ADGRV1: variants seen among roughly 807,000 people sequenced by gnomAD.
ADGRV1 encodes adhesion G protein-coupled receptor V1.
A neutral mutation model predicts 596.2 loss-of-function variants in ADGRV1; 359 were observed. The ratio of observed to expected loss-of-function variants is 0.60; its 90% CI spans 0.55 to 0.66. The LOEUF is 0.66. Ranked by LOEUF, ADGRV1 falls within the 30% of genes least tolerant of loss-of-function variation. The pLI, the probability that ADGRV1 is intolerant of heterozygous loss-of-function variation, is 0.00. For synonymous variants in ADGRV1, 2,681 were observed against 2,679.2 expected, an observed-to-expected ratio of 1.00 and a Z score of -0.02; for missense variants, 7,274 against 7,575.6, an observed-to-expected ratio of 0.96 and a Z score of 1.48.
intron 77 of ADGRV1, among the ~76,000 whole-genome samples, chr5:90,839,951 G>T (rs1186638485): frequency 3.3e-5 from 5 of 152,138 alleles, no homozygotes; most frequent in Non-Finnish European, 1.5e-5. Flanking sequence ...TCTTGGCTCA[G>T]TAGTAAATAA....
chr5:90,613,077 GA>G (rs1397625638), intron 1 of ADGRV1, among the ~76,000 whole-genome samples: 1 of 152,032 alleles, frequency 6.6e-6, no homozygotes, highest in East Asian at 1.9e-4. Context: ...ACTTGTTCAT[GA>G]TTCCCTCTAC....
chr5:90,759,358 T>C (rs997435302), intron 57 of ADGRV1, 51 bp from the exon 58 acceptor site: 7 of 1,272,448 alleles, frequency 5.5e-6, no homozygotes, highest in Admixed American at 4.0e-5. Flanking sequence ...TTTCCTATCT[T>C]CCTCCTTCTT....
At chr5:90,841,667 T>A (rs1348147517) in intron 78 of ADGRV1, among the ~76,000 whole-genome samples, 1 of 152,178 alleles carries the variant, frequency 6.6e-6, no homozygotes, top group Admixed American at 6.5e-5. Context: ...AGGTTTACTT[T>A]GGGCTTTCTT....
At chr5:91,139,905 TG>T in intron 87 of ADGRV1, among the ~76,000 whole-genome samples, 1 of 152,340 alleles carries the variant, frequency 6.6e-6, no homozygotes, top group Middle Eastern at 3.4e-3. Flanking sequence ...AATCTTCCCT[TG>T]GCTTCCCTGA....
At chr5:90,972,565 A>T (rs1779149372) in intron 84 of ADGRV1, among the ~76,000 whole-genome samples, 1 of 152,228 alleles carries the variant, frequency 6.6e-6, no homozygotes, top group African/African-American at 2.4e-5. Flanking sequence ...AAAGCGCTCA[A>T]CTACATGGAA....
intron 74 of ADGRV1, among the ~76,000 whole-genome samples, chr5:90,812,687 T>C (rs1437238032): frequency 6.6e-6 from 1 of 152,190 alleles, no homozygotes; most frequent in Non-Finnish European, 1.5e-5. Context: ...CATTATCTCA[T>C]TTATGTTAAC....
At chr5:90,578,091 G>A (rs1019487332) in intron 1 of ADGRV1, among the ~76,000 whole-genome samples, 1 of 152,140 alleles carries the variant, frequency 6.6e-6, no homozygotes, top group African/African-American at 2.4e-5. Context: ...TTTCCTGATT[G>A]AATACCTTGT....
intron 52 of ADGRV1, among the ~76,000 whole-genome samples, chr5:90,746,154 G>A (rs537777251): frequency 2.4e-4 from 35 of 147,582 alleles, no homozygotes; most frequent in Admixed American, 9.1e-4. Context: ...TATATACTGT[G>A]TGATATACAC....
At chr5:90,975,131 G>C (rs1415662592) in intron 84 of ADGRV1, among the ~76,000 whole-genome samples, 10 of 151,672 alleles carry the variant, frequency 6.6e-5, no homozygotes, top group East Asian at 1.9e-4. Flanking sequence ...CAGAGAAATG[G>C]AAATCAAAAC....
chr5:90,883,316 A>G (rs1166561904), intron 83 of ADGRV1, among the ~76,000 whole-genome samples: 1 of 152,176 alleles, frequency 6.6e-6, no homozygotes, highest in African/African-American at 2.4e-5. Context: ...GCCATCGAAG[A>G]GGATTTTTAT....
intron 70 of ADGRV1, among the ~76,000 whole-genome samples, chr5:90,799,543 A>G (rs1761126458): frequency 6.6e-6 from 1 of 152,206 alleles, no homozygotes; most frequent in African/African-American, 2.4e-5. Context: ...CCATCAAGCT[A>G]CCATTGACTT....
rs769681955 is a variant in ADGRV1 at position 90,716,721 on chromosome 5, C to T, written c.9439C>T (p.Arg3147Ter). ...CTATATTGTTTTAGAAGAAGGTGTT[C>T]GATTCAAGGTACAGTAAGAAGCTTT... Reference protein sequence around the residue: ...KGYIVLEEGVRFKALQISAIL... With the variant: ...KGYIVLEEGV The change falls in exon 43 of 90, where the codon CGA (arginine) becomes TGA (stop). Residue 3147 changes from arginine to a stop codon, truncating the protein, a stop_gained. Coordinates refer to ENST00000405460, the MANE Select transcript of ADGRV1 (RefSeq NM_032119.4). LOFTEE classifies it high-confidence loss of function. 4.3e-6 allele frequency: 7 copies of T among 1,610,268 alleles called. No homozygotes were observed. The highest frequency in any genetic ancestry group is 2.2e-5 in the East Asian group (1 of 44,846).
intron 4 of ADGRV1, 47 bp downstream of exon 4, chr5:90,619,228 A>T: frequency 1.2e-6 from 1 of 865,690 alleles, no homozygotes; most frequent in Non-Finnish European, 1.7e-6. Flanking sequence ...ATAATAGTTT[A>T]TTAAATTTTA....
intron 83 of ADGRV1, among the ~76,000 whole-genome samples, chr5:90,881,784 G>A (rs1769804603): frequency 6.6e-6 from 1 of 152,130 alleles, no homozygotes; most frequent in African/African-American, 2.4e-5. Context: ...GAGTGCAGTG[G>A]TATGATCATA....
At position 90,725,114 on chromosome 5, in the gene ADGRV1, G is replaced by T. The variant is rs1418242799; in HGVS notation, c.9935G>T (p.Cys3312Phe). The change falls in exon 47 of 90, where the codon TGT becomes TTT. Residue 3312 changes from cysteine (C) to phenylalanine (F), a missense_variant. By Grantham distance (205) the Cys-to-Phe change is radical. Around this residue, in one of 5 missense-constraint regions of ADGRV1, gnomAD observed 3,643 missense variants for 3,809.2 expected, o/e 0.96. Transcript: ENST00000405460. ...EDLNIENPKTCEAFNIGFSPY... is the reference protein window; with the variant it reads ...EDLNIENPKTFEAFNIGFSPY... Reference sequence around the variant, plus strand: ...TTAAATATAGAAAATCCTAAAACTTGTGAGGCCTTTAATATTGGTTTTTCT... The same window carrying T: ...TTAAATATAGAAAATCCTAAAACTTTTGAGGCCTTTAATATTGGTTTTTCT... The T allele has an allele frequency of 6.5e-7, 1 of 1,537,164 alleles. No homozygotes were observed. Among genetic ancestry groups the T allele is most frequent in the Non-Finnish European group, 8.8e-7 (1 of 1,132,746 alleles).
chr5:91,140,975 A>T (rs1237094651), intron 87 of ADGRV1, among the ~76,000 whole-genome samples: 1 of 152,192 alleles, frequency 6.6e-6, no homozygotes, highest in Non-Finnish European at 1.5e-5. Flanking sequence ...ATGTCCTAAT[A>T]CTTACCTTTT....
Position 90,791,193 on chromosome 5 carries a change from C to T in ADGRV1, c.14364C>T (p.Thr4788=). Residue 4788 remains threonine, a synonymous_variant, in exon 70 of 90, where the codon ACC becomes ACT. Transcript: ENST00000405460. ...TTAGATCCATCCAAATTAACATAAC[C>T]CGGCTTGCTGGAACATTTGGAGATG... ...NLIRSIQINI[T]RLAGTFGDVA... is the part of the protein sequence containing the mutation. 1 of 1,613,882 alleles carries T rather than the reference C, an allele frequency of 6.2e-7. No homozygotes were observed. The highest frequency in any genetic ancestry group is 8.5e-7 in the Non-Finnish European group (1 of 1,179,872).
In ADGRV1 at chr5:90,807,696, A is replaced by G. The variant is rs760841840; in HGVS notation, c.14931A>G (p.Leu4977=). 67 of 1,609,398 alleles carry G rather than the reference A, an allele frequency of 4.2e-5. No homozygotes were observed. The highest frequency in any genetic ancestry group is 1.6e-4 in the Middle Eastern group (1 of 6,062). Residue 4977 remains leucine (L), a synonymous_variant, in exon 73 of 90, where the codon CTA becomes CTG. Transcript: ENST00000405460. Reference sequence around the variant, plus strand: ...GGCCAGAGGCCTTTGTTCTTCACCTATCAGGAGTGCAGAGCAGTGCTCCTG... The same window carrying G: ...GGCCAGAGGCCTTTGTTCTTCACCTGTCAGGAGTGCAGAGCAGTGCTCCTG... ...PGWPEAFVLH[L]SGVQSSAPGG...
chr5:90,923,684 G>T (rs1441129301), intron 83 of ADGRV1, among the ~76,000 whole-genome samples: 1 of 152,044 alleles, frequency 6.6e-6, no homozygotes, highest in Non-Finnish European at 1.5e-5. Flanking sequence ...CATCGTGCAG[G>T]TTAGTTACAT....
Sources: allele counts gnomAD v4.1 joint callset (sites outside exome capture counted in the v4.1 genomes callset), GRCh38; gene constraint gnomAD v4.1.1; regional missense constraint gnomAD v4.1.1; transcripts MANE v1.5; gene names NCBI Gene and HGNC (gene_info 2026-07-23, HGNC 2026-07-21).